ZNF565: variants seen among roughly 807,000 people sequenced by gnomAD.
The protein encoded by ZNF565 is zinc finger protein 565.
Under a neutral mutation model 39.4 loss-of-function variants are expected in ZNF565, and 27 were observed. That is an observed-to-expected ratio of 0.69 (90% confidence interval 0.51 to 0.95). The LOEUF (loss-of-function observed/expected upper bound fraction) is 0.95, where lower values mean the gene tolerates loss of function less well. Ranked by LOEUF, ZNF565 falls within the 40% of genes least tolerant of loss-of-function variation. The pLI is 0.00. For missense variants in ZNF565, 524 were observed against 621.1 expected, an observed-to-expected ratio of 0.84 and a Z score of 1.66; for synonymous variants, 185 against 216.6, an observed-to-expected ratio of 0.85 and a Z score of 1.28.
chr19:36,182,828 G>A lies in ZNF565; in HGVS notation c.1138C>T (p.Arg380Ter), dbSNP rs1975134267. ...TCGCCAGTATGGACTCTCTGATGTC[G>A]TGTGAGCTGTGCGTGCTGTCTGAAG... ...KAFRQHAQLT[R>*]HQRVHTGDRP... is the part of the protein sequence containing the mutation. Residue 380 changes from arginine to a stop codon, truncating the protein, a stop_gained, in exon 5 of 5, where the codon CGA becomes TGA. Transcript: ENST00000304116. LOFTEE classifies it high-confidence loss of function. The A allele has an allele frequency of 2.5e-6, 4 of 1,613,960 alleles. No individual in the cohort carries two copies. The highest frequency in any genetic ancestry group is 1.3e-5 in the African/African-American group (1 of 74,884).
chr19:36,185,969 C>T (rs966478492), intron 4 of ZNF565, among the ~76,000 whole-genome samples: 7 of 151,666 alleles, frequency 4.6e-5, no homozygotes, highest in East Asian at 1.9e-4. Flanking sequence ...GCTGGGATTA[C>T]GGGCGTTTGC....
chr19:36,244,849 TAAAAAAA>T (rs775546485), intron 1 of ZNF565, among the ~76,000 whole-genome samples: 1 of 129,224 alleles, frequency 7.7e-6, no homozygotes, highest in Non-Finnish European at 1.6e-5. Context: ...GACTACGTCT[TAAAAAAA>T]AAAAAAAAAA....
chr19:36,195,282 T>A, intron 2 of ZNF565, 126 bp from the exon 3 acceptor site: 1 of 1,138,528 alleles, frequency 8.8e-7, no homozygotes, highest in Non-Finnish European at 1.3e-6. Context: ...TGCACCAGTC[T>A]GCTTCAACAG....
At chr19:36,219,424 C>T (rs945265577), upstream of ZNF565, among the ~76,000 whole-genome samples, 6 of 152,212 alleles carry the variant, frequency 3.9e-5, no homozygotes, top group Admixed American at 2.0e-4. Context: ...TTTAGAAAGT[C>T]ATCATTATCC....
intron 1 of ZNF565, among the ~76,000 whole-genome samples, chr19:36,232,995 C>A (rs557589131): frequency 6.6e-6 from 1 of 152,202 alleles, no homozygotes; most frequent in Non-Finnish European, 1.5e-5. Context: ...TATTTTGCCA[C>A]GCTTTTGTAT....
chr19:36,188,901 C>T (rs1006872026), intron 4 of ZNF565, among the ~76,000 whole-genome samples: 1 of 152,124 alleles, frequency 6.6e-6, no homozygotes, highest in African/African-American at 2.4e-5. Flanking sequence ...TTGGATAAAA[C>T]ATTATCCTTA....
At chr19:36,230,792 C>T (rs576162159) in intron 1 of ZNF565, among the ~76,000 whole-genome samples, 1 of 151,926 alleles carries the variant, frequency 6.6e-6, no homozygotes, top group African/African-American at 2.4e-5. Flanking sequence ...GAGGGCCAGC[C>T]TTCCTTCCTT....
At chr19:36,199,407 A>T (rs1975874720) in intron 2 of ZNF565, among the ~76,000 whole-genome samples, 1 of 151,934 alleles carries the variant, frequency 6.6e-6, no homozygotes, top group Admixed American at 6.6e-5. Context: ...TACAACTCCT[A>T]CCATGTCTAT....
chr19:36,216,723 T>A (rs1976623182), upstream of ZNF565, among the ~76,000 whole-genome samples: 1 of 152,106 alleles, frequency 6.6e-6, no homozygotes, highest in African/African-American at 2.4e-5. Context: ...CTAGGGGAAC[T>A]GATCCTAGAC....
chr19:36,217,051 C>CTT, upstream of ZNF565, among the ~76,000 whole-genome samples: 1 of 121,280 alleles, frequency 8.2e-6, no homozygotes, highest in Non-Finnish European at 1.7e-5. Context: ...CAGCCAGTCC[C>CTT]TGTCTTTTTT....
chr19:36,188,593 TC>T (rs1975403728), intron 4 of ZNF565, among the ~76,000 whole-genome samples: 1 of 150,332 alleles, frequency 6.7e-6, no homozygotes. Flanking sequence ...GTGCCTGTAG[TC>T]CCAGCTACTC....
upstream of ZNF565, among the ~76,000 whole-genome samples, chr19:36,217,055 CTTTTTTTTTTTTT>C (rs752632008): frequency 3.9e-4 from 26 of 65,866 alleles, no homozygotes; most frequent in African/African-American, 1.5e-3. Context: ...CAGTCCCTGT[CTTTTTTTTTTTTT>C]TTTTTTTTTT....
At chr19:36,206,704 T>G (rs373895140) in intron 1 of ZNF565, among the ~76,000 whole-genome samples, 17 of 152,148 alleles carry the variant, frequency 1.1e-4, no homozygotes, top group African/African-American at 3.6e-4. Context: ...TGGTGGCGCA[T>G]GCCTGTAATC....
chr19:36,208,789 T>A lies in ZNF565; in HGVS notation c.-66+5833A>T, dbSNP rs73038031. Among the ~76,000 whole-genome samples, 830 of 152,248 alleles carry A rather than the reference T, an allele frequency of 5.5e-3. 5 individuals carry two copies. Among genetic ancestry groups the A allele is most frequent in the Non-Finnish European group, 8.1e-3 (550 of 68,030 alleles). On this transcript the variant is annotated intron_variant, in intron 1 of 4. Transcript: ENST00000304116. Reference sequence around the variant, plus strand: ...TAGTAATCTCTTCCTGAAAAAGCAATCACTCTGAGTAAAAACTCTAACAAA... The same window carrying A: ...TAGTAATCTCTTCCTGAAAAAGCAAACACTCTGAGTAAAAACTCTAACAAA...
chr19:36,230,023 G>T (rs952847385), intron 1 of ZNF565, among the ~76,000 whole-genome samples: 1 of 152,140 alleles, frequency 6.6e-6, no homozygotes, highest in Non-Finnish European at 1.5e-5. Context: ...CCTGGCTAAC[G>T]CATAATTTAA....
intron 4 of ZNF565, among the ~76,000 whole-genome samples, chr19:36,187,973 A>G (rs1012594485): frequency 6.6e-6 from 1 of 151,962 alleles, no homozygotes; most frequent in African/African-American, 2.4e-5. Flanking sequence ...TTCAAAAGAC[A>G]CACAAGAAGA....
intron 1 of ZNF565, among the ~76,000 whole-genome samples, chr19:36,210,419 C>CAAAAAA (rs35345882): frequency 1.5e-5 from 1 of 67,026 alleles, no homozygotes; most frequent in Non-Finnish European, 2.7e-5. Context: ...AATTCTGTCT[C>CAAAAAA]AAAAAAAAAA....
intron 4 of ZNF565, among the ~76,000 whole-genome samples, chr19:36,192,756 C>T (rs1171292202): frequency 1.3e-5 from 2 of 151,760 alleles, no homozygotes; most frequent in Non-Finnish European, 1.5e-5. Context: ...CCCACCTTGG[C>T]CTCCCAAAGT....
upstream of ZNF565, among the ~76,000 whole-genome samples, chr19:36,215,452 G>C (rs1375892710): frequency 6.6e-6 from 1 of 152,162 alleles, no homozygotes; most frequent in Non-Finnish European, 1.5e-5. Context: ...CTAAGAGGGA[G>C]ATGTAGGAGA....
Sources: gnomAD v4.1 joint callset for allele counts (sites outside exome capture counted in the v4.1 genomes callset) on GRCh38, gnomAD v4.1.1 for gene constraint, MANE v1.5 for transcripts, NCBI Gene and HGNC (gene_info 2026-07-23, HGNC 2026-07-21) for gene names.